UBXN7: variants seen among roughly 807,000 people sequenced by gnomAD.
UBXN7 encodes UBX domain protein 7.
A neutral mutation model predicts 58.0 loss-of-function variants in UBXN7; 9 were observed. The observed-to-expected ratio is 0.16, with a 90% CI of 0.09 to 0.27. The LOEUF (loss-of-function observed/expected upper bound fraction) is 0.27. Among genes scored for constraint, UBXN7 ranks in the 10% least tolerant of loss-of-function variants. UBXN7 has a pLI of 1.00. For missense variants in UBXN7, 328 were observed against 599.6 expected (o/e 0.55, Z 4.73); for synonymous variants, 208 against 205.0 (o/e 1.01, Z -0.12).
At chr3:196,431,650 C>T (rs1298792806) in intron 1 of UBXN7, 2 of 207,640 alleles carry the variant, frequency 9.6e-6, no homozygotes, top group African/African-American at 4.8e-5. Flanking sequence ...CTGGATTCTT[C>T]CAGGCCTCCC....
At chr3:196,362,223 A>C in intron 9 of UBXN7, 71 bp downstream of exon 9, 1 of 1,514,838 alleles carries the variant, frequency 6.6e-7, no homozygotes, top group Non-Finnish European at 8.8e-7. Flanking sequence ...TGGAACTCCT[A>C]ACCTCAGTGA....
chr3:196,368,878 AG>A, intron 7 of UBXN7, among the ~76,000 whole-genome samples: 1 of 152,158 alleles, frequency 6.6e-6, no homozygotes, highest in Non-Finnish European at 1.5e-5. Flanking sequence ...GCTGGAGTGC[AG>A]TGGCGCGATC....
chr3:196,380,307 G>A (rs923115643), intron 5 of UBXN7, among the ~76,000 whole-genome samples: 2 of 152,036 alleles, frequency 1.3e-5, no homozygotes, highest in African/African-American at 4.8e-5. Flanking sequence ...CACTCCATAG[G>A]CAGAGGAGCC....
chr3:196,419,499 A>T (rs1193760131), intron 1 of UBXN7, among the ~76,000 whole-genome samples: 20 of 152,162 alleles, frequency 1.3e-4, no homozygotes, highest in Admixed American at 1.3e-3. Flanking sequence ...AAAGTATACC[A>T]TCCACTTTCT....
chr3:196,383,755 A>G (rs1163055743), intron 5 of UBXN7, among the ~76,000 whole-genome samples: 1 of 152,234 alleles, frequency 6.6e-6, no homozygotes, highest in Non-Finnish European at 1.5e-5. Context: ...AACCAATGAG[A>G]ACAAAGACAC....
At chr3:196,362,798 T>C in intron 8 of UBXN7, 111 bp from the exon 9 acceptor site, 5 of 1,345,150 alleles carry the variant, frequency 3.7e-6, no homozygotes, top group Non-Finnish European at 5.0e-6. Context: ...TTCTGCTGAC[T>C]GTATCCCTTC....
At chr3:196,389,161 T>A (rs1305558234) in intron 5 of UBXN7, among the ~76,000 whole-genome samples, 1 of 152,110 alleles carries the variant, frequency 6.6e-6, no homozygotes, top group Non-Finnish European at 1.5e-5. Flanking sequence ...CAAAACAAAC[T>A]AAGATCCTTT....
chr3:196,371,379 A>G (rs539743156), intron 6 of UBXN7, among the ~76,000 whole-genome samples: 1 of 152,314 alleles, frequency 6.6e-6, no homozygotes, highest in South Asian at 2.1e-4. Flanking sequence ...ACATTATTAC[A>G]GTTAATTTCA....
At chr3:196,369,118 C>A (rs752400092) in intron 7 of UBXN7, among the ~76,000 whole-genome samples, 46 of 152,024 alleles carry the variant, frequency 3.0e-4, no homozygotes, top group Non-Finnish European at 6.2e-4. Context: ...GCCACCACGC[C>A]CAGCTGGTAA....
chr3:196,349,776 A>C lies in UBXN7; in HGVS notation c.*6909T>G, dbSNP rs1172301520. 2 of 152,246 alleles carry C rather than the reference A, an allele frequency of 1.3e-5. No homozygotes were observed. Among genetic ancestry groups the C allele is most frequent in the Non-Finnish European group, 2.9e-5 (2 of 68,050 alleles). 9.4% of individuals were successfully genotyped at this position (152,246 alleles called of 1,614,324 possible). On this transcript the variant is annotated 3_prime_UTR_variant, in exon 11 of 11. Transcript: ENST00000296328. ...GGAATTCAATTCCAGGTCAGAATTT[A>C]TCTAATGATTTGATATGTTTCCCAT...
intron 5 of UBXN7, among the ~76,000 whole-genome samples, chr3:196,376,558 A>G (rs1729030703): frequency 1.3e-5 from 2 of 149,862 alleles, no homozygotes; most frequent in Admixed American, 6.6e-5. Flanking sequence ...AAAAAAAAAA[A>G]AAAAAAAAAA....
intron 6 of UBXN7, among the ~76,000 whole-genome samples, 160 bp downstream of exon 6, chr3:196,371,736 G>A (rs1413628221): frequency 6.6e-6 from 1 of 152,160 alleles, no homozygotes; most frequent in Non-Finnish European, 1.5e-5. Flanking sequence ...GCCGGCCTCA[G>A]CCTCCCAAAG....
At chr3:196,419,847 C>T (rs79585329) in intron 1 of UBXN7, among the ~76,000 whole-genome samples, 2,978 of 152,176 alleles carry the variant, frequency 0.02, 48 homozygotes, top group South Asian at 0.042. Context: ...ACTCAATTTG[C>T]GGTAATTTGT....
chr3:196,379,503 G>A (rs1310963533), intron 5 of UBXN7, among the ~76,000 whole-genome samples: 1 of 152,148 alleles, frequency 6.6e-6, no homozygotes, highest in Non-Finnish European at 1.5e-5. Context: ...CCTTTTACAA[G>A]AGAACCCTTA....
chr3:196,401,322 T>C (rs7639889), intron 3 of UBXN7, among the ~76,000 whole-genome samples: 4,918 of 73,960 alleles, frequency 0.066, 278 homozygotes, highest in African/African-American at 0.14. Flanking sequence ...CACACACACA[T>C]ATATATATAT....
intron 1 of UBXN7, among the ~76,000 whole-genome samples, chr3:196,420,624 T>C (rs1730652924): frequency 6.6e-6 from 1 of 152,070 alleles, no homozygotes; most frequent in African/African-American, 2.4e-5. Context: ...TCTAATCCAG[T>C]CATCTATACT....
At chr3:196,374,558 CA>C (rs1275246697) in intron 5 of UBXN7, among the ~76,000 whole-genome samples, 1 of 151,572 alleles carries the variant, frequency 6.6e-6, no homozygotes, top group African/African-American at 2.4e-5. Flanking sequence ...AATTTTCAAA[CA>C]AAACAACAAT....
At position 196,374,973 on chromosome 3, in the gene UBXN7, G is replaced by A. The variant is rs9845158; in HGVS notation, c.469-2931C>T. ...AAGAAAGAAAGAAAAAAAGGAAGGAGGGAAGGAAGGAAGGGAGGGAGGGAG... is the reference window on the plus strand; with the variant it reads ...AAGAAAGAAAGAAAAAAAGGAAGGAAGGAAGGAAGGAAGGGAGGGAGGGAG... On this transcript the variant is annotated intron_variant, in intron 5 of 10. Coordinates refer to ENST00000296328, the MANE Select transcript of UBXN7 (RefSeq NM_015562.2). 6.0e-4 allele frequency among the ~76,000 whole-genome samples: 17 copies of A among 28,388 alleles called. 1 individual carries two copies. Among genetic ancestry groups the A allele is most frequent in the Non-Finnish European group, 9.7e-4 (14 of 14,474 alleles). The allele number at this position is 28,388 out of a possible 152,430, so 18.6% of individuals were successfully genotyped here. A position where few individuals can be genotyped will look rare whatever the true frequency, so the allele number is the denominator to read the frequency against.
intron 3 of UBXN7, among the ~76,000 whole-genome samples, chr3:196,395,147 G>A (rs764440865): frequency 1.2e-4 from 18 of 152,132 alleles, no homozygotes; most frequent in Non-Finnish European, 2.1e-4. Flanking sequence ...ATAATTATCT[G>A]TTAATAAATG....
Sources: gnomAD v4.1 joint callset for allele counts (sites outside exome capture counted in the v4.1 genomes callset) on GRCh38, gnomAD v4.1.1 for gene constraint, MANE v1.5 for transcripts, NCBI Gene and HGNC (gene_info 2026-07-23, HGNC 2026-07-21) for gene names.